Variants in IQSEC2 observed in about 807,000 individuals in gnomAD.
IQSEC2 encodes the protein IQ motif and SEC7 domain-containing protein 2.
In IQSEC2, 6 loss-of-function variants were observed where a neutral mutation model predicts 74.6. The ratio of observed to expected loss-of-function variants is 0.08; its 90% CI spans 0.04 to 0.16. The LOEUF is 0.16. IQSEC2 is among the 10% of genes least tolerant of loss of function. The pLI is 1.00. For synonymous variants in IQSEC2, 494 were observed against 544.5 expected, an observed-to-expected ratio of 0.91 and a Z score of 1.29; for missense variants, 734 against 1,306.2, an observed-to-expected ratio of 0.56 and a Z score of 6.75.
chrX:53,238,431 G>A (rs1313071885), intron 11 of IQSEC2, 125 bp from the exon 12 acceptor site: 9 of 645,368 alleles, frequency 1.4e-5, no homozygotes, highest in Non-Finnish European at 2.2e-5. Context: ...CCAGGCTGGA[G>A]TGCAGTGGTG....
At chrX:53,231,940 C>T (rs2074066645), downstream of IQSEC2, 1 of 111,908 alleles carries the variant, frequency 8.9e-6, no homozygotes, top group African/African-American at 3.3e-5. Context: ...CCATCCAAAC[C>T]ATTCCCTTTT....
chrX:53,316,473 G>C (rs1411497025), intron 1 of IQSEC2, among the ~76,000 whole-genome samples: 2 of 110,873 alleles, frequency 1.8e-5, no homozygotes, highest in Non-Finnish European at 3.8e-5. Flanking sequence ...CCTGCGGGGA[G>C]CATGCTGACA....
intron 2 of IQSEC2, among the ~76,000 whole-genome samples, chrX:53,288,829 T>C (rs988934393): frequency 3.6e-5 from 4 of 112,330 alleles, no homozygotes; most frequent in Non-Finnish European, 7.5e-5. Flanking sequence ...GCTCTGCTGC[T>C]AGCTAGCTTT....
chrX:53,236,243 C>T (rs1719858388), intron 13 of IQSEC2, 79 bp downstream of exon 13: 4 of 1,040,042 alleles, frequency 3.8e-6, no homozygotes, highest in Non-Finnish European at 5.3e-6. Flanking sequence ...GGAGGGAAGG[C>T]TGGCGGCCAG....
chrX:53,313,331 C>T (rs979544466), intron 1 of IQSEC2, among the ~76,000 whole-genome samples: 9 of 111,615 alleles, frequency 8.1e-5, no homozygotes, highest in African/African-American at 2.9e-4. Context: ...AAAACTGAGG[C>T]TCTGAAAGTG....
In IQSEC2 at chrX:53,250,784, G is replaced by T; in HGVS notation, c.1792C>A (p.Pro598Thr). The change falls in exon 5 of 15, where the codon CCT (proline) becomes ACT (threonine). Residue 598 changes from proline (P) to threonine (T), a missense_variant. By Grantham distance (38) the Pro-to-Thr change is conservative. Around this residue, in one of 12 missense-constraint regions of IQSEC2, gnomAD observed 204 missense variants for 305.4 expected, o/e 0.67. Coordinates refer to ENST00000642864, the MANE Select transcript of IQSEC2 (RefSeq NM_001111125.3). ...AGGTCCACGGAGCTGTCACTAGGAG[G>T]CTCAATGGTAAGCAGGGGAAGGTGG... ...AAHLPLLTIEPPSDSSVDLSD... is the reference protein window; with the variant it reads ...AAHLPLLTIETPSDSSVDLSD... 8.3e-7 allele frequency: 1 copy of T among 1,210,290 alleles called. No homozygotes were observed. The highest frequency in any genetic ancestry group is 1.1e-6 in the Non-Finnish European group (1 of 894,624).
At chrX:53,263,260 A>C (rs372267609) in intron 2 of IQSEC2, among the ~76,000 whole-genome samples, 2 of 111,833 alleles carry the variant, frequency 1.8e-5, no homozygotes, top group Admixed American at 9.4e-5. Flanking sequence ...TGACTCATGG[A>C]TGTGGCTAGC....
At chrX:53,314,291 C>T (rs1244055907) in intron 1 of IQSEC2, among the ~76,000 whole-genome samples, 2 of 112,393 alleles carry the variant, frequency 1.8e-5, no homozygotes, top group Non-Finnish European at 3.8e-5. Flanking sequence ...ATGTGCTGTG[C>T]TATGTGTTTC....
intron 2 of IQSEC2, among the ~76,000 whole-genome samples, chrX:53,265,749 C>T (rs1034588094): frequency 9.8e-5 from 11 of 111,676 alleles, no homozygotes; most frequent in Admixed American, 7.6e-4. Flanking sequence ...TATTTAGGGT[C>T]GTTGCATTGG....
At chrX:53,259,141 C>T (rs1556865913) in intron 2 of IQSEC2, among the ~76,000 whole-genome samples, 1 of 80,914 alleles carries the variant, frequency 1.2e-5, no homozygotes, top group Non-Finnish European at 2.3e-5. Flanking sequence ...AGTGAGCTGA[C>T]ATCGCACCAC....
At chrX:53,316,066 T>A (rs2075367278) in intron 1 of IQSEC2, among the ~76,000 whole-genome samples, 1 of 112,083 alleles carries the variant, frequency 8.9e-6, no homozygotes, top group African/African-American at 3.2e-5. Flanking sequence ...TTGTCCTGAG[T>A]GTTGCCTCTA....
intron 1 of IQSEC2, among the ~76,000 whole-genome samples, chrX:53,320,197 G>C (rs1381848973): frequency 9.0e-6 from 1 of 111,500 alleles, no homozygotes; most frequent in Non-Finnish European, 1.9e-5. Context: ...CGCTGGCCGC[G>C]GTACCGGGAA....
intron 1 of IQSEC2, among the ~76,000 whole-genome samples, chrX:53,313,134 T>G (rs900244276): frequency 3.7e-4 from 42 of 112,083 alleles, no homozygotes; most frequent in African/African-American, 1.2e-3. Context: ...ATTCCGCCTC[T>G]AGGGGGCAGG....
At chrX:53,268,338 G>T (rs182740475) in intron 2 of IQSEC2, among the ~76,000 whole-genome samples, 1 of 111,051 alleles carries the variant, frequency 9.0e-6, no homozygotes, top group Non-Finnish European at 1.9e-5. Context: ...GCACACACAC[G>T]CACGCACACG....
At chrX:53,266,006 C>T (rs1353073693) in intron 2 of IQSEC2, among the ~76,000 whole-genome samples, 1 of 112,359 alleles carries the variant, frequency 8.9e-6, no homozygotes, top group Non-Finnish European at 1.9e-5. Flanking sequence ...ATTAAATTCA[C>T]ATAATCATAG....
At chrX:53,246,279 C>T (rs868966631) in intron 8 of IQSEC2, among the ~76,000 whole-genome samples, 23 of 112,381 alleles carry the variant, frequency 2.0e-4, no homozygotes, top group Middle Eastern at 9.2e-3. Flanking sequence ...TCAAGACCCA[C>T]CTTAAAATAA....
intron 2 of IQSEC2, among the ~76,000 whole-genome samples, chrX:53,273,261 G>T (rs1245156037): frequency 9.0e-6 from 1 of 110,611 alleles, no homozygotes; most frequent in Non-Finnish European, 1.9e-5. Context: ...AGCCTTCCCA[G>T]ATGGGGTTAA....
intron 1 of IQSEC2, among the ~76,000 whole-genome samples, chrX:53,319,132 G>A (rs2075404889): frequency 1.8e-5 from 2 of 112,368 alleles, no homozygotes; most frequent in African/African-American, 6.5e-5. Context: ...CGGGGGAGTT[G>A]CAGAGAGCTG....
At position 53,254,846 on chromosome X, in the gene IQSEC2, C is replaced by T. The variant is rs868913552; in HGVS notation, c.1085G>A (p.Arg362His). The change falls in exon 4 of 15, where the codon CGC becomes CAC. Residue 362 changes from arginine (R) to histidine (H), a missense_variant. Physicochemically the swap from Arg to His is conservative, Grantham distance 29. Transcript: ENST00000642864. ...TAGCCGCTCAAAGTTCTTGTTCATG[C>T]GGTACTGGCGGAAGGCTGTCTGGAT... The part of the protein sequence containing the change: ...RTIQTAFRQY[R>H]MNKNFERLRS... The T allele has an allele frequency of 3.3e-6, 4 of 1,208,304 alleles. No individual in the cohort carries two copies. The highest frequency in any genetic ancestry group is 4.5e-6 in the Non-Finnish European group (4 of 893,765).
Sources: allele counts gnomAD v4.1 joint callset (sites outside exome capture counted in the v4.1 genomes callset), GRCh38; gene constraint gnomAD v4.1.1; regional missense constraint gnomAD v4.1.1; transcripts MANE v1.5; gene names NCBI Gene and HGNC (gene_info 2026-07-23, HGNC 2026-07-21).